The following PKNOX1 variants were observed in gnomAD, a reference collection of about 807,000 sequenced individuals.
PKNOX1 encodes homeobox protein PKNOX1.
A neutral mutation model predicts 51.9 loss-of-function variants in PKNOX1; 15 were observed. That is an observed-to-expected ratio of 0.29 (90% CI 0.19 to 0.45). PKNOX1 has a LOEUF of 0.45. PKNOX1 is among the 20% of genes least tolerant of loss of function. The pLI is 1.00. For missense variants in PKNOX1, 462 were observed against 547.5 expected (o/e 0.84, Z 1.56); for synonymous variants, 219 against 211.1 (o/e 1.04, Z -0.32).
intron 1 of PKNOX1, among the ~76,000 whole-genome samples, chr21:42,990,372 A>T (rs1376740547): frequency 6.6e-6 from 1 of 152,192 alleles, no homozygotes; most frequent in Non-Finnish European, 1.5e-5. Context: ...CACTGCTAGG[A>T]TGCATCCTTA....
intron 5 of PKNOX1, 24 bp downstream of exon 5, chr21:43,013,262 T>G: frequency 1.3e-6 from 2 of 1,533,384 alleles, no homozygotes; most frequent in African/African-American, 1.4e-5. Context: ...GGGGTCTCGC[T>G]TTCCCTCTCT....
intron 1 of PKNOX1, among the ~76,000 whole-genome samples, chr21:42,996,714 C>T (rs977874528): frequency 1.3e-5 from 2 of 152,116 alleles, no homozygotes; most frequent in Non-Finnish European, 2.9e-5. Context: ...TATAAGTTAG[C>T]CACCATGCTC....
chr21:43,004,249 A>AT, intron 1 of PKNOX1, 77 bp from the exon 2 acceptor site: 1 of 625,930 alleles, frequency 1.6e-6, no homozygotes, highest in Non-Finnish European at 2.9e-6. Context: ...AAAAAAAAAA[A>AT]TTTGATGTTA....
Position 43,032,703 on chromosome 21 carries a change from A to G in PKNOX1, c.*2602A>G, listed in dbSNP as rs234738. On this transcript the variant is annotated 3_prime_UTR_variant, in exon 11 of 11. Transcript: ENST00000291547. ...GAGAGTTAAACACCCATGCTGAATG[A>G]TACAGTGTGCATTCTCTCCAGCTGC... is the stretch of plus-strand genomic sequence containing the variant. The G allele has an allele frequency of 0.24, 37,313 of 153,804 alleles. 4,898 individuals carry two copies. Among genetic ancestry groups the G allele is most frequent in the Non-Finnish European group, 0.29 (20,188 of 68,908 alleles). The allele number at this position is 153,804 out of a possible 1,614,324, so 9.5% of individuals were successfully genotyped here. A position where few individuals can be genotyped will look rare whatever the true frequency, so the allele number is the denominator to read the frequency against.
In PKNOX1 at chr21:43,009,604, C is replaced by A. The variant is rs546787204; in HGVS notation, c.180-449C>A. ...CCAGCCTGGGCGACAGAGTGAGACTCCATCTCAAAAAAAAAAAAAAAAAAA... is the reference window on the plus strand; with the variant it reads ...CCAGCCTGGGCGACAGAGTGAGACTACATCTCAAAAAAAAAAAAAAAAAAA... On this transcript the variant is annotated intron_variant, in intron 3 of 10. Transcript: ENST00000291547. 1.3e-4 allele frequency among the ~76,000 whole-genome samples: 10 copies of A among 77,750 alleles called. 1 individual carries two copies. The South Asian group carries it at 5.1e-3, about 39-fold the overall frequency. The allele number at this position is 77,750 out of a possible 152,430, so 51.0% of individuals were successfully genotyped here. A position where few individuals can be genotyped will look rare whatever the true frequency, so the allele number is the denominator to read the frequency against.
At chr21:42,988,913 C>T (rs1296550308) in intron 1 of PKNOX1, among the ~76,000 whole-genome samples, 1 of 151,418 alleles carries the variant, frequency 6.6e-6, no homozygotes, top group Non-Finnish European at 1.5e-5. Context: ...GGATGAGGAC[C>T]CCTCACTGGT....
rs138486584 is a variant in PKNOX1, at chr21:43,029,424, G to GTTTTTTTTTTTTTTTTTTTTTTT, written c.1100-445_1100-444insTTTTTTTTTTTTTTTTTTTTTTT. 2.7e-4 allele frequency among the ~76,000 whole-genome samples: 17 copies of GTTTTTTTTTTTTTTTTTTTTTTT among 63,290 alleles called. 1 individual carries two copies. Among genetic ancestry groups the GTTTTTTTTTTTTTTTTTTTTTTT allele is most frequent in the African/African-American group, 5.2e-4 (8 of 15,306 alleles). The allele number at this position is 63,290 out of a possible 152,430, so 41.5% of individuals were successfully genotyped here. On this transcript the variant is annotated intron_variant, in intron 10 of 10. Coordinates refer to ENST00000291547, the MANE Select transcript of PKNOX1 (RefSeq NM_004571.5). Reference sequence around the variant, plus strand: ...TTATTTTTTTTTATTTGTTTGCTTTGTTTTTTTTTTTTTTTTTTTTTGAGA... The same window carrying GTTTTTTTTTTTTTTTTTTTTTTT: ...TTATTTTTTTTTATTTGTTTGCTTTGTTTTTTTTTTTTTTTTTTTTTTTTTTTTTTTTTTTTTTTTTTTTGAGA...
Position 43,028,851 on chromosome 21 carries a change from C to T in PKNOX1, c.1076C>T (p.Pro359Leu), listed in dbSNP as rs757892846. The T allele has an allele frequency of 1.5e-5, 25 of 1,614,006 alleles. No individual in the cohort carries two copies. The Admixed American group carries it at 2.7e-4, about 17-fold the overall frequency. The change falls in exon 10 of 11, where the codon CCG becomes CTG. Residue 359 changes from proline (P) to leucine (L), a missense_variant. This residue lies in a region of PKNOX1 where 118 missense variants were observed against 116.8 expected (regional missense o/e 1.01). Coordinates refer to ENST00000291547, the MANE Select transcript of PKNOX1 (RefSeq NM_004571.5). ...GCATCAGGAGTCGCACAGCCACCGC[C>T]GAGCGAGCTCACCATGTCGGAAGGT... ...SIASGVAQPPPSELTMSEGAV... is the reference protein window; with the variant it reads ...SIASGVAQPPLSELTMSEGAV...
intron 1 of PKNOX1, among the ~76,000 whole-genome samples, chr21:42,975,207 G>A (rs1022636520): frequency 3.4e-5 from 5 of 148,552 alleles, no homozygotes; most frequent in Non-Finnish European, 7.5e-5. Flanking sequence ...GAGGGTGCGG[G>A]GCGCGCGGCG....
intron 1 of PKNOX1, among the ~76,000 whole-genome samples, chr21:42,976,887 A>G (rs1201770978): frequency 6.6e-6 from 1 of 152,220 alleles, no homozygotes; most frequent in African/African-American, 2.4e-5. Context: ...CATGCGAGGA[A>G]TCACTACCAC....
intron 1 of PKNOX1, among the ~76,000 whole-genome samples, chr21:42,991,216 G>A (rs2059085467): frequency 6.6e-6 from 1 of 151,966 alleles, no homozygotes; most frequent in Non-Finnish European, 1.5e-5. Flanking sequence ...GCCGAGCACT[G>A]TGACTCACAG....
intron 1 of PKNOX1, among the ~76,000 whole-genome samples, chr21:42,979,923 TC>T (rs1327786883): frequency 2.0e-5 from 3 of 152,332 alleles, no homozygotes; most frequent in Admixed American, 2.0e-4. Flanking sequence ...TGAAACATGG[TC>T]AGTGAAGTAT....
At position 43,032,324 on chromosome 21, in the gene PKNOX1, A is replaced by ACCCTCCGTCTCTTCGTCCCTCACCT; in HGVS notation, c.*2238_*2239insTCCCTCACCTCCCTCCGTCTCTTCG. 2.4e-6 allele frequency: 1 copy of ACCCTCCGTCTCTTCGTCCCTCACCT among 410,218 alleles called. No individual in the cohort carries two copies. The highest frequency in any genetic ancestry group is 5.0e-6 in the Non-Finnish European group (1 of 201,238). The allele number at this position is 410,218 out of a possible 1,614,324, so 25.4% of individuals were successfully genotyped here. ...GCCAGCCCTTCCTCCTTCCCTCACC[A>ACCCTCCGTCTCTTCGTCCCTCACCT]CCCTCCGTCTCTTCGGCTGCTTGCT... On this transcript the variant is annotated 3_prime_UTR_variant, in exon 11 of 11. Transcript: ENST00000291547.
intron 2 of PKNOX1, among the ~76,000 whole-genome samples, chr21:43,005,456 A>G (rs550692522): frequency 1.3e-5 from 2 of 150,514 alleles, no homozygotes; most frequent in South Asian, 4.2e-4. Context: ...TATAGCAATT[A>G]AAGGAGGGAG....
At chr21:42,980,417 A>G (rs2059020544) in intron 1 of PKNOX1, among the ~76,000 whole-genome samples, 1 of 152,156 alleles carries the variant, frequency 6.6e-6, no homozygotes, top group Non-Finnish European at 1.5e-5. Context: ...GCAGAAATAG[A>G]AAGGTGCTAC....
intron 1 of PKNOX1, among the ~76,000 whole-genome samples, chr21:42,992,967 C>T (rs2059096102): frequency 6.9e-6 from 1 of 144,780 alleles, no homozygotes; most frequent in Non-Finnish European, 1.5e-5. Flanking sequence ...TTTCTCATAG[C>T]AGTGTCAGGG....
chr21:43,030,214 A>C lies in PKNOX1; in HGVS notation c.*113A>C. 2.3e-6 allele frequency: 2 copies of C among 852,378 alleles called. No homozygotes were observed. The highest frequency in any genetic ancestry group is 1.7e-5 in the African/African-American group (1 of 58,462). 52.8% of individuals were successfully genotyped at this position (852,378 alleles called of 1,614,324 possible). On this transcript the variant is annotated 3_prime_UTR_variant, in exon 11 of 11. Transcript: ENST00000291547. ...ATAGAAGAGTGCACTTTTGTATTTC[A>C]TAGTAAGCTTAAAGCGCGTCTTTGC...
intron 8 of PKNOX1, among the ~76,000 whole-genome samples, chr21:43,022,823 C>G (rs757113974): frequency 1.3e-5 from 2 of 152,058 alleles, no homozygotes; most frequent in Non-Finnish European, 2.9e-5. Flanking sequence ...AATGAGGGCT[C>G]TAAGCAGTCG....
At chr21:43,023,406 C>G (rs1396160769) in intron 8 of PKNOX1, among the ~76,000 whole-genome samples, 1 of 152,064 alleles carries the variant, frequency 6.6e-6, no homozygotes, top group African/African-American at 2.4e-5. Flanking sequence ...CCTTTCACGT[C>G]AAAGCCAAAG....
Sources: allele counts gnomAD v4.1 joint callset (sites outside exome capture counted in the v4.1 genomes callset), GRCh38; gene constraint gnomAD v4.1.1; regional missense constraint gnomAD v4.1.1; transcripts MANE v1.5; gene names NCBI Gene and HGNC (gene_info 2026-07-23, HGNC 2026-07-21).